The following ZNG1A variants were observed in gnomAD, a reference collection of about 807,000 sequenced individuals.
The protein encoded by ZNG1A is Zn regulated GTPase metalloprotein activator 1A, also known as zinc-regulated GTPase metalloprotein activator 1A.
the ZNG1A span, among the ~76,000 whole-genome samples, chr9:156,863 G>C: frequency 4.6e-5 from 7 of 151,972 alleles, no homozygotes; most frequent in Non-Finnish European, 1.0e-4. Flanking sequence ...CAGATTTTAG[G>C]TATTTTCCTT....
At chr9:140,231 C>T in the ZNG1A span, among the ~76,000 whole-genome samples, 2 of 151,878 alleles carry the variant, frequency 1.3e-5, no homozygotes, top group African/African-American at 2.4e-5. Flanking sequence ...CACAAAAAGA[C>T]AGCAGTAACC....
the ZNG1A span, among the ~76,000 whole-genome samples, chr9:138,541 G>A: frequency 2.9e-5 from 4 of 140,108 alleles, no homozygotes; most frequent in African/African-American, 5.4e-5. Context: ...ACTGAAGGTG[G>A]AAAAAAAAAA....
the ZNG1A span, among the ~76,000 whole-genome samples, chr9:178,069 G>A: frequency 6.7e-6 from 1 of 150,314 alleles, no homozygotes; most frequent in Non-Finnish European, 1.5e-5. Context: ...CCATATATTT[G>A]TTCTAGCCCT....
chr9:137,554 A>G, the ZNG1A span, among the ~76,000 whole-genome samples: 38,307 of 151,938 alleles, frequency 0.25, 5,245 homozygotes, highest in African/African-American at 0.34. Flanking sequence ...AACAGCACTG[A>G]TAGTCAAATG....
the ZNG1A span, chr9:161,683 G>A: frequency 3.4e-5 from 38 of 1,101,938 alleles, 1 homozygote; most frequent in South Asian, 4.3e-4. Flanking sequence ...TCATTTTACT[G>A]TATGTAACAA....
chr9:164,287 C>T, the ZNG1A span: 1 of 401,502 alleles, frequency 2.5e-6, no homozygotes, highest in Non-Finnish European at 4.4e-6. Flanking sequence ...ATTCTAACCA[C>T]ATATAAACAA....
At chr9:159,902 A>G in the ZNG1A span, 1 of 356,056 alleles carries the variant, frequency 2.8e-6, no homozygotes. Context: ...CAGTCTATTT[A>G]TTGTTCTGGC....
the ZNG1A span, among the ~76,000 whole-genome samples, chr9:157,821 G>T: frequency 2.4e-3 from 360 of 150,166 alleles, 2 homozygotes; most frequent in African/African-American, 8.5e-3. Flanking sequence ...ATGATCATTA[G>T]GGGTATCTGA....
At chr9:175,922 A>G in the ZNG1A span, 3 of 1,368,170 alleles carry the variant, frequency 2.2e-6, no homozygotes, top group Non-Finnish European at 2.9e-6. Flanking sequence ...ATCCTAGAGG[A>G]TAAGATTAAA....
the ZNG1A span, chr9:123,663 A>C: frequency 1.8e-6 from 1 of 570,236 alleles, no homozygotes; most frequent in African/African-American, 1.9e-5. Flanking sequence ...CAATGGATTT[A>C]GTATTTACAC....
the ZNG1A span, chr9:167,024 A>C: frequency 6.6e-6 from 1 of 152,088 alleles, no homozygotes; most frequent in Non-Finnish European, 1.5e-5. Context: ...AATGATTATA[A>C]GTGACACTTA....
the ZNG1A span, chr9:171,621 A>G: frequency 5.4e-6 from 1 of 186,600 alleles, no homozygotes; most frequent in African/African-American, 2.4e-5. Flanking sequence ...TAAGTAATCT[A>G]CAGATGATTT....
the ZNG1A span, among the ~76,000 whole-genome samples, chr9:152,535 G>C: frequency 6.6e-6 from 1 of 151,392 alleles, no homozygotes; most frequent in Non-Finnish European, 1.5e-5. Context: ...TTTGCCCCCA[G>C]CCTGTCCTTA....
the ZNG1A span, among the ~76,000 whole-genome samples, chr9:134,751 T>TC: frequency 8.6e-5 from 8 of 93,232 alleles, no homozygotes; most frequent in Admixed American, 5.2e-4. Flanking sequence ...AAGCATGATT[T>TC]CCTCAGATTC....
At chr9:178,284 TACAA>T in the ZNG1A span, among the ~76,000 whole-genome samples, 1 of 151,676 alleles carries the variant, frequency 6.6e-6, no homozygotes, top group Admixed American at 6.6e-5. Context: ...CGCAGTGGTT[TACAA>T]ACAGACCTCA....
the ZNG1A span, among the ~76,000 whole-genome samples, chr9:129,261 A>T: frequency 6.6e-6 from 1 of 152,100 alleles, no homozygotes; most frequent in South Asian, 2.1e-4. Flanking sequence ...GAGATATTTA[A>T]TCTCCACTGT....
At chr9:139,331 A>C in the ZNG1A span, among the ~76,000 whole-genome samples, 1 of 150,020 alleles carries the variant, frequency 6.7e-6, no homozygotes, top group Non-Finnish European at 1.5e-5. Context: ...CCATAGAAAG[A>C]GTGTAGAATG....
At chr9:141,807 C>T in the ZNG1A span, among the ~76,000 whole-genome samples, 1 of 152,184 alleles carries the variant, frequency 6.6e-6, no homozygotes, top group Non-Finnish European at 1.5e-5. Flanking sequence ...ATCTCACGTG[C>T]AGAGACACAC....
the ZNG1A span, among the ~76,000 whole-genome samples, chr9:157,645 AG>A: frequency 6.6e-6 from 1 of 150,840 alleles, no homozygotes; most frequent in Non-Finnish European, 1.5e-5. Flanking sequence ...ATACAATCAC[AG>A]GGACTTTTTT....
Sources: gnomAD v4.1 joint callset for allele counts (sites outside exome capture counted in the v4.1 genomes callset) on GRCh38, gnomAD v4.1.1 for gene constraint, MANE v1.5 for transcripts, NCBI Gene and HGNC (gene_info 2026-07-23, HGNC 2026-07-21) for gene names.